Variants in KIAA0825 observed in about 807,000 individuals in gnomAD.
KIAA0825 encodes KIAA0825, also known as uncharacterized protein KIAA0825.
Under a neutral mutation model 147.6 loss-of-function variants are expected in KIAA0825, and 119 were observed. That is an observed-to-expected ratio of 0.81 (90% CI 0.69 to 0.94). The LOEUF (loss-of-function observed/expected upper bound fraction) is 0.94. KIAA0825 is among the 40% of genes least tolerant of loss of function. KIAA0825 has a pLI of 0.00. For missense variants in KIAA0825, 1,381 were observed against 1,472.7 expected (o/e 0.94, Z 1.02); for synonymous variants, 470 against 518.1 (o/e 0.91, Z 1.26).
At chr5:94,278,615 C>G (rs767516662) in intron 20 of KIAA0825, among the ~76,000 whole-genome samples, 12 of 152,042 alleles carry the variant, frequency 7.9e-5, no homozygotes, top group Admixed American at 2.0e-4. Flanking sequence ...GTTCAGAGCT[C>G]CATCAGTGTT....
chr5:94,593,030 ATGT>A (rs1014453223), intron 1 of KIAA0825: 13 of 658,238 alleles, frequency 2.0e-5, no homozygotes, highest in Admixed American at 1.7e-4. Flanking sequence ...CTATTAAAAA[ATGT>A]TGAGTATGTC....
chr5:94,537,417 C>T (rs1391645374), intron 2 of KIAA0825, among the ~76,000 whole-genome samples: 3 of 151,950 alleles, frequency 2.0e-5, no homozygotes, highest in South Asian at 2.1e-4. Flanking sequence ...TTTGGGAGGC[C>T]GAGGCGGGTG....
At chr5:94,156,766 G>A (rs1270546410) in intron 20 of KIAA0825, among the ~76,000 whole-genome samples, 1 of 152,042 alleles carries the variant, frequency 6.6e-6, no homozygotes, top group Non-Finnish European at 1.5e-5. Context: ...CATTTCATAA[G>A]AGGATAAAAA....
rs570116230 is a variant in KIAA0825 at position 94,153,778 on chromosome 5, T to C, written c.*229A>G. The C allele has an allele frequency of 4.4e-4, 166 of 374,330 alleles. No individual in the cohort carries two copies. The highest frequency in any genetic ancestry group is 3.2e-3 in the African/African-American group (158 of 48,846). 23.2% of individuals were successfully genotyped at this position (374,330 alleles called of 1,614,324 possible). ...ACACGAGATGGCAGCAGTTATATCA[T>C]ATAAAGAGAAAGATTGGGGAAAGAA... On this transcript the variant is annotated 3_prime_UTR_variant, in exon 21 of 21. Coordinates refer to ENST00000682413, the MANE Select transcript of KIAA0825 (RefSeq NM_001145678.3).
chr5:94,192,301 A>G (rs1770742162), intron 20 of KIAA0825, among the ~76,000 whole-genome samples: 1 of 152,198 alleles, frequency 6.6e-6, no homozygotes, highest in Non-Finnish European at 1.5e-5. Context: ...TCTTGGCTTC[A>G]TTCATGTAGT....
intron 2 of KIAA0825, among the ~76,000 whole-genome samples, chr5:94,564,340 T>G (rs548663677): frequency 1.7e-4 from 25 of 150,972 alleles, no homozygotes; most frequent in African/African-American, 5.8e-4. Flanking sequence ...GCCTCCCAAG[T>G]AGCTGTGACT....
chr5:94,215,289 G>A (rs1293754496), intron 20 of KIAA0825, among the ~76,000 whole-genome samples: 4 of 152,174 alleles, frequency 2.6e-5, no homozygotes. Flanking sequence ...TGGACCAAGT[G>A]TGCATAATGC....
intron 20 of KIAA0825, among the ~76,000 whole-genome samples, chr5:94,355,446 A>C (rs1195839505): frequency 1.3e-5 from 2 of 152,208 alleles, no homozygotes; most frequent in Non-Finnish European, 2.9e-5. Context: ...TGAGATTGGA[A>C]AGTAAGTCAC....
At chr5:94,237,485 G>C (rs577159550) in intron 20 of KIAA0825, among the ~76,000 whole-genome samples, 1 of 152,268 alleles carries the variant, frequency 6.6e-6, no homozygotes, top group East Asian at 1.9e-4. Context: ...AGGTAAAAGC[G>C]AAAGATGAAG....
chr5:94,460,637 T>A (rs1335357608), intron 12 of KIAA0825, among the ~76,000 whole-genome samples: 4 of 152,104 alleles, frequency 2.6e-5, no homozygotes, highest in Non-Finnish European at 4.4e-5. Flanking sequence ...ACAATTTTTT[T>A]AATATGCTAA....
intron 20 of KIAA0825, among the ~76,000 whole-genome samples, chr5:94,194,171 T>C (rs1288589426): frequency 2.0e-5 from 3 of 152,104 alleles, no homozygotes; most frequent in Admixed American, 1.3e-4. Flanking sequence ...TTGCAGACAA[T>C]GTCTCCTCTC....
intron 11 of KIAA0825, among the ~76,000 whole-genome samples, chr5:94,463,544 ACAATTTCT>A (rs1193594829): frequency 1.3e-5 from 2 of 151,604 alleles, no homozygotes; most frequent in African/African-American, 2.4e-5. Flanking sequence ...TGCTAGATAA[ACAATTTCT>A]AATCCAATAT....
chr5:94,189,326 T>C (rs1583795629), intron 20 of KIAA0825, among the ~76,000 whole-genome samples: 2 of 152,288 alleles, frequency 1.3e-5, no homozygotes, highest in South Asian at 2.1e-4. Context: ...TGTGTCAAGT[T>C]TAAGAAATCT....
intron 20 of KIAA0825, among the ~76,000 whole-genome samples, chr5:94,211,817 G>C (rs1562315208): frequency 6.6e-6 from 1 of 152,034 alleles, no homozygotes; most frequent in East Asian, 1.9e-4. Flanking sequence ...TTAACTCCAG[G>C]ATCATCATAT....
chr5:94,278,510 T>A (rs564333216), intron 20 of KIAA0825, among the ~76,000 whole-genome samples: 32 of 151,994 alleles, frequency 2.1e-4, no homozygotes, highest in African/African-American at 7.5e-4. Flanking sequence ...AGATAGTATC[T>A]ATGTGTTTTG....
At chr5:94,386,122 C>T (rs935136497) in intron 19 of KIAA0825, 120 bp downstream of exon 19, 1 of 800,980 alleles carries the variant, frequency 1.2e-6, no homozygotes, top group African/African-American at 1.7e-5. Context: ...TAAATAAGAA[C>T]AAGGCCTTTT....
intron 20 of KIAA0825, among the ~76,000 whole-genome samples, chr5:94,251,260 A>G (rs907801238): frequency 2.0e-5 from 3 of 152,124 alleles, no homozygotes; most frequent in African/African-American, 7.2e-5. Context: ...CTGTAAAAGA[A>G]CATCTTAATA....
intron 5 of KIAA0825, among the ~76,000 whole-genome samples, chr5:94,504,808 C>T (rs1322441186): frequency 3.5e-5 from 5 of 144,260 alleles, no homozygotes; most frequent in Admixed American, 2.9e-4. Context: ...AGCGCAGTGG[C>T]GTAATCTCGG....
intron 20 of KIAA0825, among the ~76,000 whole-genome samples, chr5:94,166,430 A>C (rs1768036342): frequency 6.6e-6 from 1 of 151,176 alleles, no homozygotes; most frequent in South Asian, 2.1e-4. Flanking sequence ...TACGTAATTC[A>C]GGTATTTCTT....
Sources: allele counts gnomAD v4.1 joint callset (sites outside exome capture counted in the v4.1 genomes callset), GRCh38; gene constraint gnomAD v4.1.1; transcripts MANE v1.5; gene names NCBI Gene and HGNC (gene_info 2026-07-23, HGNC 2026-07-21).